Variants in RFC1 observed in about 807,000 individuals in gnomAD.
RFC1 encodes A1 140 kDa subunit.
Under a neutral mutation model 137.4 loss-of-function variants are expected in RFC1, and 37 were observed. The ratio of observed to expected loss-of-function variants is 0.27; its 90% CI spans 0.21 to 0.35. The LOEUF (loss-of-function observed/expected upper bound fraction) is 0.35, where lower values mean the gene tolerates loss of function less well. Ranked by LOEUF, RFC1 falls within the 10% of genes least tolerant of loss-of-function variation. The pLI is 1.00. For synonymous variants in RFC1, 429 were observed against 455.7 expected (o/e 0.94, Z 0.75); for missense variants, 1,205 against 1,358.5 (o/e 0.89, Z 1.78).
chr4:39,313,097 T>C (rs1739050705), intron 10 of RFC1, among the ~76,000 whole-genome samples, 166 bp from the exon 11 acceptor site: 1 of 152,190 alleles, frequency 6.6e-6, no homozygotes, highest in Admixed American at 6.5e-5. Flanking sequence ...CACCTGAAAT[T>C]AGATCCTAAG....
intron 1 of RFC1, chr4:39,365,602 T>TAGAC (rs1741983859): frequency 2.4e-6 from 1 of 423,398 alleles, no homozygotes; most frequent in Non-Finnish European, 3.2e-6. Context: ...AGCTGTCAAA[T>TAGAC]GTCTTGCATC....
intron 1 of RFC1, among the ~76,000 whole-genome samples, chr4:39,354,457 C>T (rs968484943): frequency 1.3e-5 from 2 of 152,260 alleles, no homozygotes; most frequent in Non-Finnish European, 1.5e-5. Flanking sequence ...CTTGCCTGCA[C>T]AGAATAATTC....
chr4:39,358,987 C>A (rs1408601316), intron 1 of RFC1, among the ~76,000 whole-genome samples: 1 of 152,202 alleles, frequency 6.6e-6, no homozygotes, highest in Non-Finnish European at 1.5e-5. Flanking sequence ...CATTGCAAAT[C>A]TCCCAAAGGT....
chr4:39,288,624 TTTA>T lies in RFC1; in HGVS notation c.*134_*136del, dbSNP rs1242324623. 3 of 650,210 alleles carry T rather than the reference TTTA, an allele frequency of 4.6e-6. No individual in the cohort carries two copies. Among genetic ancestry groups the T allele is most frequent in the Admixed American group, 2.8e-5 (1 of 35,366 alleles). The allele number at this position is 650,210 out of a possible 1,614,324, so 40.3% of individuals were successfully genotyped here. A position where few individuals can be genotyped will look rare whatever the true frequency, so the allele number is the denominator to read the frequency against. ...TCATACCCTTCTAGCCATACCACCC[TTTA>T]TTTATAATGGGACACCAGGTCATCC... On this transcript the variant is annotated 3_prime_UTR_variant, in exon 25 of 25. Transcript: ENST00000349703.
At chr4:39,342,598 A>G (rs1740661342) in intron 3 of RFC1, 131 bp from the exon 4 acceptor site, 1 of 858,812 alleles carries the variant, frequency 1.2e-6, no homozygotes. Context: ...GAATTCTCAC[A>G]GGTTACTTTT....
Position 39,363,247 on chromosome 4 carries a change from G to A in RFC1, c.3+2992C>T, listed in dbSNP as rs116469883. ...CAGTGAAATTCAAATTGTCTACATG[G>A]CTTCTTTATTTCTTTTATTTTTAAT... On this transcript the variant is annotated intron_variant, in intron 1 of 24. Transcript: ENST00000349703. Among the ~76,000 whole-genome samples the A allele has an allele frequency of 7.8e-3, 1,192 of 152,166 alleles. 15 individuals are homozygous for A. Among genetic ancestry groups the A allele is most frequent in the African/African-American group, 0.027 (1,116 of 41,500 alleles).
chr4:39,333,208 G>A (rs932852321), intron 4 of RFC1, among the ~76,000 whole-genome samples: 1 of 151,922 alleles, frequency 6.6e-6, no homozygotes, highest in African/African-American at 2.4e-5. Context: ...TGACCCTATG[G>A]GTAGCCATAT....
rs376305536 is a variant in RFC1 at position 39,345,352 on chromosome 4, G to A, written c.208+49C>T. 3.2e-5 allele frequency: 47 copies of A among 1,470,602 alleles called. No individual in the cohort carries two copies. The African/African-American group carries it at 6.1e-4, about 19-fold the overall frequency. The allele number at this position is 1,470,602 out of a possible 1,614,324, so 91.1% of individuals were successfully genotyped here. Reference sequence around the variant, plus strand: ...CATAGTTTAAAGCACTGTTCTAAGGGATATACAATAACTTTAAAATTTTAA... The same window carrying A: ...CATAGTTTAAAGCACTGTTCTAAGGAATATACAATAACTTTAAAATTTTAA... On this transcript the variant is annotated intron_variant, in intron 3 of 24. Transcript: ENST00000349703.
At chr4:39,348,428 A>AAAAGGAAAG in intron 2 of RFC1, among the ~76,000 whole-genome samples, 1 of 38,042 alleles carries the variant, frequency 2.6e-5, no homozygotes, top group Admixed American at 3.4e-4. Context: ...GTTTCAAAAA[A>AAAAGGAAAG]GAAAAGAAAA....
At chr4:39,314,596 C>G (rs1188446659) in intron 10 of RFC1, among the ~76,000 whole-genome samples, 1 of 151,886 alleles carries the variant, frequency 6.6e-6, no homozygotes, top group African/African-American at 2.4e-5. Context: ...CTGAAGTCCT[C>G]TCAAGCAGAA....
intron 8 of RFC1, among the ~76,000 whole-genome samples, chr4:39,320,953 A>T (rs1739490489): frequency 6.6e-6 from 1 of 152,186 alleles, no homozygotes; most frequent in East Asian, 1.9e-4. Context: ...CTATGAGTCA[A>T]CTCTGAGACT....
intron 4 of RFC1, among the ~76,000 whole-genome samples, chr4:39,338,774 C>A (rs887143944): frequency 6.6e-6 from 1 of 152,106 alleles, no homozygotes; most frequent in Non-Finnish European, 1.5e-5. Flanking sequence ...GTGGCAAGAG[C>A]AACTAAAATG....
chr4:39,352,004 G>A (rs10776484), intron 1 of RFC1, among the ~76,000 whole-genome samples: 137,512 of 151,436 alleles, frequency 0.91, 63,906 homozygotes, highest in East Asian at 1. Flanking sequence ...GTCTAATAAA[G>A]AGTAATATAA....
intron 15 of RFC1, among the ~76,000 whole-genome samples, chr4:39,303,951 C>T (rs1578115397): frequency 6.6e-6 from 1 of 152,156 alleles, no homozygotes; most frequent in Admixed American, 6.5e-5. Flanking sequence ...ATCTATATGG[C>T]ATATATATGC....
chr4:39,358,414 A>G (rs1741589104), intron 1 of RFC1, among the ~76,000 whole-genome samples: 1 of 152,250 alleles, frequency 6.6e-6, no homozygotes, highest in Admixed American at 6.5e-5. Context: ...AGATGTTTTT[A>G]TACCAGGAAG....
Position 39,316,901 on chromosome 4 carries a change from C to T in RFC1, c.1203+14G>A, listed in dbSNP as rs549211773. The T allele has an allele frequency of 1.3e-6, 2 of 1,565,196 alleles. No homozygotes were observed. The highest frequency in any genetic ancestry group is 2.2e-5 in the South Asian group (2 of 90,002). On this transcript the variant is annotated intron_variant, in intron 10 of 24. Coordinates refer to ENST00000349703, the MANE Select transcript of RFC1 (RefSeq NM_002913.5). ...AGGCCCTCACAGAATGGCATGCCCT[C>T]TCAGTACTCTTACCTTTGGTATTTC...
At chr4:39,333,628 T>C (rs947406567) in intron 4 of RFC1, among the ~76,000 whole-genome samples, 1 of 151,892 alleles carries the variant, frequency 6.6e-6, no homozygotes, top group African/African-American at 2.4e-5. Context: ...TACATCACTC[T>C]GTTCTTTTAT....
At chr4:39,331,923 T>C (rs937543025) in intron 4 of RFC1, among the ~76,000 whole-genome samples, 14 of 152,178 alleles carry the variant, frequency 9.2e-5, no homozygotes, top group Non-Finnish European at 1.9e-4. Flanking sequence ...TCCCACATTA[T>C]GGGAGGGATC....
chr4:39,323,519 A>T, intron 6 of RFC1, 102 bp from the exon 7 acceptor site: 4 of 959,260 alleles, frequency 4.2e-6, no homozygotes, highest in Non-Finnish European at 6.4e-6. Flanking sequence ...CTAGAAAAAC[A>T]TTTTCCAGAA....
Sources: allele counts gnomAD v4.1 joint callset (sites outside exome capture counted in the v4.1 genomes callset), GRCh38; gene constraint gnomAD v4.1.1; transcripts MANE v1.5; gene names NCBI Gene and HGNC (gene_info 2026-07-23, HGNC 2026-07-21).